DENND4C: variants seen among roughly 807,000 people sequenced by gnomAD.
DENND4C encodes DENN domain-containing protein 4C.
A neutral mutation model predicts 203.0 loss-of-function variants in DENND4C; 108 were observed. The observed-to-expected ratio is 0.53, with a 90% confidence interval of 0.46 to 0.62. The LOEUF is 0.62. Among genes scored for constraint, DENND4C ranks in the 20% least tolerant of loss-of-function variants. The pLI, the probability that DENND4C is intolerant of heterozygous loss-of-function variation, is 0.00. For missense variants in DENND4C, 2,481 were observed against 2,301.2 expected, an observed-to-expected ratio of 1.08 and a Z score of -1.60; for synonymous variants, 871 against 792.4, an observed-to-expected ratio of 1.10 and a Z score of -1.67.
chr9:19,285,766 C>G (rs1835082094), intron 2 of DENND4C, among the ~76,000 whole-genome samples: 1 of 152,060 alleles, frequency 6.6e-6, no homozygotes, highest in African/African-American at 2.4e-5. Flanking sequence ...CAGCTTCATG[C>G]TTTTGCAGGT....
At chr9:19,290,365 A>C (rs1249655754) in intron 4 of DENND4C, among the ~76,000 whole-genome samples, 1 of 152,210 alleles carries the variant, frequency 6.6e-6, no homozygotes, top group African/African-American at 2.4e-5. Flanking sequence ...TAACTGAAAT[A>C]GTTGGTAAAT....
At position 19,296,078 on chromosome 9, in the gene DENND4C, A is replaced by C. The variant is rs1366939808; in HGVS notation, c.872A>C (p.His291Pro). Residue 291 changes from histidine to proline, a missense_variant, in exon 6 of 33, where the codon CAC becomes CCC. This residue lies in a region of DENND4C where 2,289 missense variants were observed against 2,113.3 expected (regional missense o/e 1.08). Coordinates refer to ENST00000434457, the MANE Select transcript of DENND4C (RefSeq NM_001330640.2). Reference sequence around the variant, plus strand: ...CTTCTATCAGAGAAACAGCTTATGCACCTGGGCTTGTTGACGCCTGTGGAG... The same window carrying C: ...CTTCTATCAGAGAAACAGCTTATGCCCCTGGGCTTGTTGACGCCTGTGGAG... Reference protein sequence around the residue: ...RELLSEKQLMHLGLLTPVERK... With the variant: ...RELLSEKQLMPLGLLTPVERK... 1 of 1,614,144 alleles carries C rather than the reference A, an allele frequency of 6.2e-7. No homozygotes were observed. The highest frequency in any genetic ancestry group is 8.5e-7 in the Non-Finnish European group (1 of 1,180,028).
At chr9:19,235,242 G>A (rs1821642779) in intron 1 of DENND4C, among the ~76,000 whole-genome samples, 1 of 152,198 alleles carries the variant, frequency 6.6e-6, no homozygotes, top group African/African-American at 2.4e-5. Flanking sequence ...TGGGATTACA[G>A]GCGTGAGCCA....
Position 19,342,669 on chromosome 9 carries a change from C to G in DENND4C, c.3041C>G (p.Ser1014Ter). The change falls in exon 22 of 33, where the codon TCA becomes TGA. Residue 1014 changes from serine to a stop codon, truncating the protein, a stop_gained. Transcript: ENST00000434457. LOFTEE classifies it high-confidence loss of function. ...GCCTCTGCTATTGTGGCAAAACATT[C>G]ACAACCTAGTCCAGAGCCTCACAGT... ...CDASAIVAKH[S>*]QPSPEPHSPT... 1 of 1,610,006 alleles carries G rather than the reference C, an allele frequency of 6.2e-7. No homozygotes were observed. Among genetic ancestry groups the G allele is most frequent in the Non-Finnish European group, 8.5e-7 (1 of 1,178,474 alleles).
intron 1 of DENND4C, among the ~76,000 whole-genome samples, chr9:19,259,444 T>C (rs1051905573): frequency 6.6e-6 from 1 of 152,102 alleles, no homozygotes; most frequent in Non-Finnish European, 1.5e-5. Flanking sequence ...ACAATCTTGC[T>C]CTTTTTTATG....
At position 19,273,118 on chromosome 9, in the gene DENND4C, AT is replaced by A. The variant is rs975565863; in HGVS notation, c.-17-3036del. Among the ~76,000 whole-genome samples, 10 of 151,692 alleles carry A rather than the reference AT, an allele frequency of 6.6e-5. 1 individual carries two copies. Among genetic ancestry groups the A allele is most frequent in the African/African-American group, 2.2e-4 (9 of 41,108 alleles). Reference sequence around the variant, plus strand: ...CACCCGCCGCCACCATGCCAGGCTAATTTTGTTGTATTTTTAGTAGAGACAG... The same window carrying A: ...CACCCGCCGCCACCATGCCAGGCTAATTTGTTGTATTTTTAGTAGAGACAG... On this transcript the variant is annotated intron_variant, in intron 1 of 32. Coordinates refer to ENST00000434457, the MANE Select transcript of DENND4C (RefSeq NM_001330640.2).
Position 19,348,896 on chromosome 9 carries a change from C to T in DENND4C, c.4318-1806C>T, listed in dbSNP as rs143761316. Among the ~76,000 whole-genome samples the T allele has an allele frequency of 4.9e-3, 748 of 152,210 alleles. 5 individuals carry two copies. The highest frequency in any genetic ancestry group is 0.017 in the African/African-American group (713 of 41,528). On this transcript the variant is annotated intron_variant, in intron 23 of 32. Transcript: ENST00000434457. ...CAGGGATGGCTCACTGTAGCCTTGA[C>T]CCCCTGGGCTCAAGCAATCCTCCTG... is the stretch of plus-strand genomic sequence containing the variant.
chr9:19,327,327 A>G (rs931037659), intron 15 of DENND4C, among the ~76,000 whole-genome samples: 1 of 152,106 alleles, frequency 6.6e-6, no homozygotes, highest in African/African-American at 2.4e-5. Flanking sequence ...AAGAAATGCA[A>G]ACCAAAATGA....
intron 13 of DENND4C, among the ~76,000 whole-genome samples, chr9:19,324,730 C>T (rs1479423638): frequency 1.3e-5 from 2 of 152,012 alleles, no homozygotes; most frequent in African/African-American, 4.8e-5. Context: ...TTCATTGATC[C>T]ATTGATTGAA....
Position 19,372,879 on chromosome 9 carries a change from A to C in DENND4C, c.*706A>C, listed in dbSNP as rs1007315138. On this transcript the variant is annotated 3_prime_UTR_variant, in exon 33 of 33. Coordinates refer to ENST00000434457, the MANE Select transcript of DENND4C (RefSeq NM_001330640.2). ...GTCTCAAAAAAAAAAAAAAAAAAAA[A>C]AGAGAGCAACATATTTGTGTAAGTT... 1 of 151,382 alleles carries C rather than the reference A, an allele frequency of 6.6e-6. No homozygotes were observed. The highest frequency in any genetic ancestry group is 1.5e-5 in the Non-Finnish European group (1 of 68,152). The allele number at this position is 151,382 out of a possible 1,614,324, so 9.4% of individuals were successfully genotyped here.
At chr9:19,253,529 T>C (rs138060385) in intron 1 of DENND4C, among the ~76,000 whole-genome samples, 2 of 152,360 alleles carry the variant, frequency 1.3e-5, no homozygotes, top group East Asian at 3.8e-4. Flanking sequence ...CTAATGGTAG[T>C]TACCAAGCCC....
rs139177972 is a variant in DENND4C at position 19,345,045 on chromosome 9, C to G, written c.3152-876C>G. ...AAATTATCTTTCAAAGGCCCTGCCTCCTAATACTGTCACACTGAGGGTTAG... is the reference window on the plus strand; with the variant it reads ...AAATTATCTTTCAAAGGCCCTGCCTGCTAATACTGTCACACTGAGGGTTAG... On this transcript the variant is annotated intron_variant, in intron 22 of 32. Transcript: ENST00000434457. 2.2e-4 allele frequency among the ~76,000 whole-genome samples: 33 copies of G among 152,260 alleles called. No individual in the cohort carries two copies. The East Asian group carries it at 4.4e-3, about 21-fold the overall frequency.
intron 2 of DENND4C, among the ~76,000 whole-genome samples, chr9:19,278,869 T>A (rs1833448703): frequency 6.6e-6 from 1 of 151,900 alleles, no homozygotes; most frequent in Admixed American, 6.6e-5. Context: ...CCCTCCACTC[T>A]GCCCCCCCAG....
At chr9:19,324,585 C>T in intron 13 of DENND4C, 78 bp downstream of exon 13, 1 of 1,439,752 alleles carries the variant, frequency 6.9e-7, no homozygotes. Flanking sequence ...TATTGTTAGT[C>T]TAGAGTGATA....
At chr9:19,281,415 G>T (rs866872129) in intron 2 of DENND4C, among the ~76,000 whole-genome samples, 6 of 152,168 alleles carry the variant, frequency 3.9e-5, no homozygotes, top group Non-Finnish European at 7.3e-5. Context: ...TCACTCTAGT[G>T]TGAAGGGGTT....
rs182426267 is a variant in DENND4C at position 19,358,419 on chromosome 9, C to T, written c.5160+259C>T. ...TATGTATATTCTCATTCAGTTCTCTCTTTTTTTGAGATTATTTTGAAGCAA... is the reference window on the plus strand; with the variant it reads ...TATGTATATTCTCATTCAGTTCTCTTTTTTTTTGAGATTATTTTGAAGCAA... On this transcript the variant is annotated intron_variant, in intron 28 of 32. Coordinates refer to ENST00000434457, the MANE Select transcript of DENND4C (RefSeq NM_001330640.2). The surrounding 1 kb of genome is among the most constrained non-coding windows in gnomAD (Gnocchi z 4.8). Among the ~76,000 whole-genome samples, 128 of 152,174 alleles carry T rather than the reference C, an allele frequency of 8.4e-4. 1 individual carries two copies. Among genetic ancestry groups the T allele is most frequent in the Admixed American group, 6.5e-3 (100 of 15,276 alleles).
At chr9:19,241,124 A>C (rs750459673) in intron 1 of DENND4C, among the ~76,000 whole-genome samples, 1 of 152,184 alleles carries the variant, frequency 6.6e-6, no homozygotes, top group Admixed American at 6.6e-5. Context: ...TGGTGAATGA[A>C]TGTGAAGGCC....
intron 31 of DENND4C, among the ~76,000 whole-genome samples, chr9:19,370,323 A>G (rs1423783118): frequency 6.6e-6 from 1 of 152,026 alleles, no homozygotes; most frequent in African/African-American, 2.4e-5. Flanking sequence ...CAGGGGTGGT[A>G]TGTGCCTGTG....
chr9:19,273,834 A>G (rs1024432622), intron 1 of DENND4C, among the ~76,000 whole-genome samples: 2 of 151,994 alleles, frequency 1.3e-5, no homozygotes, highest in African/African-American at 4.8e-5. Context: ...AAAAAATGGT[A>G]CACTCCCTTT....
Sources: allele counts gnomAD v4.1 joint callset (sites outside exome capture counted in the v4.1 genomes callset), GRCh38; gene constraint gnomAD v4.1.1; regional missense constraint gnomAD v4.1.1; non-coding constraint Gnocchi (gnomAD v3.1); transcripts MANE v1.5; gene names NCBI Gene and HGNC (gene_info 2026-07-23, HGNC 2026-07-21).